Variants in PIP4K2A observed in about 807,000 individuals in gnomAD.
PIP4K2A encodes the protein phosphatidylinositol-5-phosphate 4-kinase type 2 alpha.
In PIP4K2A, 14 loss-of-function variants were observed where a neutral mutation model predicts 42.9. The ratio of observed to expected loss-of-function variants is 0.33; its 90% CI spans 0.22 to 0.51. PIP4K2A has a LOEUF of 0.51. PIP4K2A is among the 20% of genes least tolerant of loss of function. The probability of loss-of-function intolerance (pLI) is 0.97; values close to 1 mark genes in which losing one functional copy is unlikely to be tolerated. For synonymous variants in PIP4K2A, 192 were observed against 192.2 expected (o/e 1.00, Z 0.01); for missense variants, 434 against 519.8 (o/e 0.83, Z 1.61).
chr10:22,590,108 G>T (rs1353583861), intron 4 of PIP4K2A, among the ~76,000 whole-genome samples: 1 of 152,148 alleles, frequency 6.6e-6, no homozygotes, highest in South Asian at 2.1e-4. Flanking sequence ...CACACGTGAG[G>T]CTACAGTGAG....
At chr10:22,558,802 T>C (rs1182612648) in intron 6 of PIP4K2A, among the ~76,000 whole-genome samples, 1 of 152,206 alleles carries the variant, frequency 6.6e-6, no homozygotes, top group Non-Finnish European at 1.5e-5. Flanking sequence ...CTCAACATAC[T>C]TGTGAAACAG....
At chr10:22,622,120 C>T (rs988817248) in intron 1 of PIP4K2A, among the ~76,000 whole-genome samples, 2 of 152,160 alleles carry the variant, frequency 1.3e-5, no homozygotes, top group African/African-American at 4.8e-5. Context: ...ATGACAAGAA[C>T]ATTGGAGAGC....
chr10:22,610,971 A>AAG (rs760113460), intron 1 of PIP4K2A, among the ~76,000 whole-genome samples: 11 of 152,020 alleles, frequency 7.2e-5, no homozygotes, highest in East Asian at 5.8e-4. Flanking sequence ...TTTAGTTACT[A>AAG]AGATGATCAG....
chr10:22,620,982 T>C (rs748192061), intron 1 of PIP4K2A, among the ~76,000 whole-genome samples: 1 of 152,202 alleles, frequency 6.6e-6, no homozygotes. Context: ...ATCAAAGGCA[T>C]TGCAAGTTCC....
At chr10:22,566,061 T>C (rs1836841193) in intron 6 of PIP4K2A, among the ~76,000 whole-genome samples, 1 of 152,222 alleles carries the variant, frequency 6.6e-6, no homozygotes, top group Non-Finnish European at 1.5e-5. Context: ...TCCTGTGGTC[T>C]CGACCTGCCT....
Position 22,591,736 on chromosome 10 carries a change from G to C in PIP4K2A, c.385C>G (p.Arg129Gly), listed in dbSNP as rs932068009. 1.2e-6 allele frequency: 2 copies of C among 1,613,132 alleles called. No homozygotes were observed. The highest frequency in any genetic ancestry group is 1.7e-5 in the Admixed American group (1 of 59,920). Reference protein sequence around the residue: ...SAPLPNDSQARSGARFHTSYD... With the variant: ...SAPLPNDSQAGSGARFHTSYD... ...GAAGTGTGAAAACGAGCTCCACTGCGGGCCTGGGAGTCGTTGGGGAGGGGT... is the reference window on the plus strand; with the variant it reads ...GAAGTGTGAAAACGAGCTCCACTGCCGGCCTGGGAGTCGTTGGGGAGGGGT... The change falls in exon 4 of 10, where the codon CGC (arginine) becomes GGC (glycine). Residue 129 changes from arginine to glycine, a missense_variant. Physicochemically the swap from Arg to Gly is moderately radical, Grantham distance 125. Around this residue, in one of 2 missense-constraint regions of PIP4K2A, gnomAD observed 395 missense variants for 444.5 expected, o/e 0.89. Transcript: ENST00000376573.
At chr10:22,580,532 G>A (rs1344797098) in intron 4 of PIP4K2A, among the ~76,000 whole-genome samples, 1 of 150,646 alleles carries the variant, frequency 6.6e-6, no homozygotes, top group African/African-American at 2.5e-5. Context: ...GCATGTACTG[G>A]GGGTACCACA....
intron 1 of PIP4K2A, among the ~76,000 whole-genome samples, chr10:22,679,116 A>C (rs1241902549): frequency 6.6e-6 from 1 of 152,236 alleles, no homozygotes; most frequent in Non-Finnish European, 1.5e-5. Flanking sequence ...TAATGCTGCA[A>C]ACAATACTAT....
intron 1 of PIP4K2A, among the ~76,000 whole-genome samples, chr10:22,613,442 C>A (rs12260400): frequency 6.6e-6 from 1 of 151,882 alleles, no homozygotes; most frequent in East Asian, 1.9e-4. Context: ...AGGAGGGAAG[C>A]GACTTTCCTG....
intron 1 of PIP4K2A, among the ~76,000 whole-genome samples, chr10:22,665,225 T>C (rs189909602): frequency 1.3e-3 from 192 of 152,336 alleles, no homozygotes; most frequent in African/African-American, 4.4e-3. Context: ...CGCAGCTTGG[T>C]TGGTATGTGT....
intron 1 of PIP4K2A, among the ~76,000 whole-genome samples, chr10:22,691,359 C>T (rs1839862633): frequency 6.6e-6 from 1 of 152,182 alleles, no homozygotes; most frequent in South Asian, 2.1e-4. Flanking sequence ...CTATACATGA[C>T]AGAGCCCTAT....
intron 1 of PIP4K2A, among the ~76,000 whole-genome samples, chr10:22,615,970 T>A (rs1838169289): frequency 6.6e-6 from 1 of 152,182 alleles, no homozygotes; most frequent in Admixed American, 6.5e-5. Context: ...TTCCTGTTTA[T>A]GCCGTGCCAG....
At chr10:22,615,774 A>G (rs1838164707) in intron 1 of PIP4K2A, among the ~76,000 whole-genome samples, 1 of 152,228 alleles carries the variant, frequency 6.6e-6, no homozygotes, top group Non-Finnish European at 1.5e-5. Flanking sequence ...ATGGTTGTCA[A>G]ATACTTAATG....
intron 8 of PIP4K2A, 73 bp from the exon 9 acceptor site, chr10:22,540,147 AG>A: frequency 1.9e-6 from 1 of 517,924 alleles, no homozygotes; most frequent in Non-Finnish European, 3.9e-6. Context: ...TGAGGGAGGG[AG>A]GGAGGGAGAA....
At chr10:22,549,669 G>A (rs372995891) in intron 7 of PIP4K2A, among the ~76,000 whole-genome samples, 32 of 151,468 alleles carry the variant, frequency 2.1e-4, no homozygotes, top group Admixed American at 1.6e-3. Flanking sequence ...GTGAAACCCC[G>A]TCTCTAATAA....
chr10:22,664,144 TATATATAC>T (rs1564460111), intron 1 of PIP4K2A, among the ~76,000 whole-genome samples: 39 of 30,660 alleles, frequency 1.3e-3, no homozygotes, highest in African/African-American at 0.012. Flanking sequence ...TATATATACA[TATATATAC>T]ACATATATAT....
At chr10:22,584,411 T>C (rs1837346225) in intron 4 of PIP4K2A, among the ~76,000 whole-genome samples, 1 of 151,856 alleles carries the variant, frequency 6.6e-6, no homozygotes, top group South Asian at 2.1e-4. Context: ...CAGAGATGTT[T>C]GGAGATGGAA....
chr10:22,701,064 C>G (rs1833706236), intron 1 of PIP4K2A, among the ~76,000 whole-genome samples: 1 of 152,174 alleles, frequency 6.6e-6, no homozygotes, highest in Admixed American at 6.5e-5. Context: ...GCTTCTCCAT[C>G]CACCACGCTA....
At chr10:22,646,663 T>A (rs1413111731) in intron 1 of PIP4K2A, among the ~76,000 whole-genome samples, 1 of 152,150 alleles carries the variant, frequency 6.6e-6, no homozygotes, top group East Asian at 1.9e-4. Flanking sequence ...CAACCTGCGT[T>A]TGTAACTTGG....
Sources: gnomAD v4.1 joint callset for allele counts (sites outside exome capture counted in the v4.1 genomes callset) on GRCh38, gnomAD v4.1.1 for gene constraint, gnomAD v4.1.1 regional missense constraint, MANE v1.5 for transcripts, NCBI Gene and HGNC (gene_info 2026-07-23, HGNC 2026-07-21) for gene names.